Variants in VWC2 observed in about 807,000 individuals in gnomAD.
VWC2 encodes brorin.
VWC2 carries 14 observed loss-of-function variants against 29.8 expected under a neutral mutation model. The ratio of observed to expected loss-of-function variants is 0.47; its 90% CI spans 0.31 to 0.74. VWC2 has a LOEUF of 0.74. Among genes scored for constraint, VWC2 ranks in the 30% least tolerant of loss-of-function variants. The pLI, the probability that VWC2 is intolerant of heterozygous loss-of-function variation, is 0.05. For synonymous variants in VWC2, 213 were observed against 199.0 expected (o/e 1.07, Z -0.59); for missense variants, 457 against 459.8 (o/e 0.99, Z 0.05).
chr7:49,898,159 AT>A (rs1367799523), intron 3 of VWC2, among the ~76,000 whole-genome samples: 1 of 151,892 alleles, frequency 6.6e-6, no homozygotes, highest in Non-Finnish European at 1.5e-5. Context: ...ATATATGTGT[AT>A]GCTTTATATG....
rs1187089128 is a variant in VWC2 at position 49,918,076 on chromosome 7, T to C, written c.*5891T>C. On this transcript the variant is annotated 3_prime_UTR_variant, in exon 4 of 4. Coordinates refer to ENST00000340652, the MANE Select transcript of VWC2 (RefSeq NM_198570.5). Reference sequence around the variant, plus strand: ...TAAAAAGCCATTCTTAAGCAGTCGGTGAATGTATATCATCGGCCAAAAGTT... The same window carrying C: ...TAAAAAGCCATTCTTAAGCAGTCGGCGAATGTATATCATCGGCCAAAAGTT... 1 of 152,240 alleles carries C rather than the reference T, an allele frequency of 6.6e-6. No individual in the cohort carries two copies. Among genetic ancestry groups the C allele is most frequent in the Non-Finnish European group, 1.5e-5 (1 of 68,038 alleles). The allele number at this position is 152,240 out of a possible 1,614,324, so 9.4% of individuals were successfully genotyped here. A position where few individuals can be genotyped will look rare whatever the true frequency, so the allele number is the denominator to read the frequency against.
intron 3 of VWC2, among the ~76,000 whole-genome samples, chr7:49,886,603 T>A (rs1432899593): frequency 1.3e-5 from 2 of 152,220 alleles, no homozygotes; most frequent in Admixed American, 6.5e-5. Context: ...GTGTAGTATT[T>A]TTTTTACTTT....
In VWC2 at chr7:49,916,883, C is replaced by G. The variant is rs925407323; in HGVS notation, c.*4698C>G. The G allele has an allele frequency of 3.3e-5, 5 of 152,166 alleles. No homozygotes were observed. The highest frequency in any genetic ancestry group is 5.9e-5 in the Non-Finnish European group (4 of 68,026). 9.4% of individuals were successfully genotyped at this position (152,166 alleles called of 1,614,324 possible). On this transcript the variant is annotated 3_prime_UTR_variant, in exon 4 of 4. Transcript: ENST00000340652. ...ATGGTAGTTTTCGGATGAACTCTGA[C>G]AGCTATTGGCCATTTCTGGTGCAAG...
intron 2 of VWC2, among the ~76,000 whole-genome samples, chr7:49,789,275 G>C (rs1015127984): frequency 2.0e-5 from 3 of 149,982 alleles, no homozygotes; most frequent in African/African-American, 7.4e-5. Flanking sequence ...GTGAGCGGGT[G>C]TGTGTGAGAG....
At chr7:49,822,676 T>A in intron 3 of VWC2, among the ~76,000 whole-genome samples, 1 of 152,214 alleles carries the variant, frequency 6.6e-6, no homozygotes. Context: ...TGGCTTCAAG[T>A]GATCTGCCTG....
chr7:49,783,860 T>C (rs907544403), intron 2 of VWC2, among the ~76,000 whole-genome samples: 2 of 151,704 alleles, frequency 1.3e-5, no homozygotes, highest in African/African-American at 4.8e-5. Context: ...GACCAGCCTG[T>C]GCAACATAGT....
chr7:49,799,012 GCATAGGC>G (rs1242551683), intron 2 of VWC2, among the ~76,000 whole-genome samples: 1 of 152,220 alleles, frequency 6.6e-6, no homozygotes, highest in Non-Finnish European at 1.5e-5. Context: ...CATTGAGGGG[GCATAGGC>G]CACTGCTTCA....
intron 3 of VWC2, among the ~76,000 whole-genome samples, chr7:49,898,178 G>A (rs1268661723): frequency 6.6e-6 from 1 of 151,828 alleles, no homozygotes; most frequent in Middle Eastern, 3.4e-3. Flanking sequence ...ATGTGTGTGT[G>A]TATATATGTG....
At chr7:49,788,712 TG>T (rs1256489777) in intron 2 of VWC2, among the ~76,000 whole-genome samples, 7 of 133,314 alleles carry the variant, frequency 5.3e-5, no homozygotes, top group Non-Finnish European at 1.6e-5. Flanking sequence ...TGTGAGAGGA[TG>T]TATGGGTGTG....
chr7:49,844,783 C>T (rs750581967), intron 3 of VWC2, among the ~76,000 whole-genome samples: 1 of 152,146 alleles, frequency 6.6e-6, no homozygotes, highest in Non-Finnish European at 1.5e-5. Flanking sequence ...ACCTCTGCCT[C>T]CTGGGTTCAA....
intron 3 of VWC2, among the ~76,000 whole-genome samples, chr7:49,821,882 T>TG (rs1237908519): frequency 6.6e-6 from 1 of 152,216 alleles, no homozygotes; most frequent in African/African-American, 2.4e-5. Context: ...TTGATTGTGT[T>TG]GCAATATTCA....
chr7:49,860,811 A>C (rs185191075), intron 3 of VWC2, among the ~76,000 whole-genome samples: 4 of 152,358 alleles, frequency 2.6e-5, no homozygotes, highest in Admixed American at 1.3e-4. Context: ...CTATAAGAAG[A>C]AGAGACACCA....
At chr7:49,831,233 A>C (rs190759039) in intron 3 of VWC2, among the ~76,000 whole-genome samples, 127 of 152,254 alleles carry the variant, frequency 8.3e-4, no homozygotes, top group African/African-American at 2.9e-3. Context: ...CTTCTTTTGT[A>C]AATTTCTCAT....
At chr7:49,840,561 A>G (rs1034664250) in intron 3 of VWC2, among the ~76,000 whole-genome samples, 3 of 152,162 alleles carry the variant, frequency 2.0e-5, no homozygotes, top group African/African-American at 7.2e-5. Flanking sequence ...CTGAGCACAA[A>G]TCAGTCAGTT....
intron 2 of VWC2, among the ~76,000 whole-genome samples, chr7:49,783,660 C>T (rs1788227753): frequency 6.6e-6 from 1 of 152,158 alleles, no homozygotes; most frequent in Non-Finnish European, 1.5e-5. Context: ...GACTGCCTTT[C>T]AAATCTGTGG....
chr7:49,864,326 G>A (rs775224056), intron 3 of VWC2, among the ~76,000 whole-genome samples: 1 of 152,090 alleles, frequency 6.6e-6, no homozygotes, highest in Admixed American at 6.6e-5. Flanking sequence ...TCTGTGCTTG[G>A]ACCTTCCTTC....
At chr7:49,873,246 T>C (rs1048150037) in intron 3 of VWC2, among the ~76,000 whole-genome samples, 15 of 152,328 alleles carry the variant, frequency 9.8e-5, no homozygotes, top group African/African-American at 3.1e-4. Flanking sequence ...TTTTACAGTT[T>C]TGGTGGCTGG....
intron 3 of VWC2, among the ~76,000 whole-genome samples, chr7:49,889,917 C>T (rs1043007021): frequency 6.6e-6 from 1 of 152,106 alleles, no homozygotes. Flanking sequence ...GTTTGAGAGA[C>T]AAATATATGT....
In VWC2 at chr7:49,851,940, C is replaced by T. The variant is rs144638168; in HGVS notation, c.826+49100C>T. Among the ~76,000 whole-genome samples, 1,367 of 152,274 alleles carry T rather than the reference C, an allele frequency of 9.0e-3. 17 individuals carry two copies. The highest frequency in any genetic ancestry group is 0.031 in the African/African-American group (1,298 of 41,570). ...CACTGGATCTCTAAAGTTCAGTGGGCTCTTTCCCACTCCCGTTCTAAGGAC... is the reference window on the plus strand; with the variant it reads ...CACTGGATCTCTAAAGTTCAGTGGGTTCTTTCCCACTCCCGTTCTAAGGAC... On this transcript the variant is annotated intron_variant, in intron 3 of 3. Transcript: ENST00000340652.
Sources: allele counts gnomAD v4.1 joint callset (sites outside exome capture counted in the v4.1 genomes callset), GRCh38; gene constraint gnomAD v4.1.1; transcripts MANE v1.5; gene names NCBI Gene and HGNC (gene_info 2026-07-23, HGNC 2026-07-21).